Variants in PLEKHA7 observed in about 807,000 individuals in gnomAD.
PLEKHA7 encodes pleckstrin homology domain containing A7.
In PLEKHA7, 104 loss-of-function variants were observed where a neutral mutation model predicts 170.0. The observed-to-expected ratio is 0.61, with a 90% CI of 0.52 to 0.72. The LOEUF is 0.72. Ranked by LOEUF, PLEKHA7 falls within the 30% of genes least tolerant of loss-of-function variation. The probability of loss-of-function intolerance (pLI) is 0.00; values close to 1 mark genes in which losing one functional copy is unlikely to be tolerated. For missense variants in PLEKHA7, 1,615 were observed against 1,671.7 expected (o/e 0.97, Z 0.59); for synonymous variants, 648 against 660.8 (o/e 0.98, Z 0.30).
chr11:17,012,759 C>A (rs913662597), intron 3 of PLEKHA7, among the ~76,000 whole-genome samples: 10 of 152,142 alleles, frequency 6.6e-5, no homozygotes, highest in African/African-American at 2.4e-4. Context: ...CAGTTATGAG[C>A]CAGAGAGGCC....
At position 16,851,286 on chromosome 11, in the gene PLEKHA7, G is replaced by A. The variant is rs752629610; in HGVS notation, c.601C>T (p.Arg201Ter). The A allele has an allele frequency of 4.3e-6, 7 of 1,609,284 alleles. No individual in the cohort carries two copies. The highest frequency in any genetic ancestry group is 1.3e-5 in the African/African-American group (1 of 74,800). Residue 201 changes from arginine (R) to a stop codon, truncating the protein, a stop_gained, in exon 8 of 27, where the codon CGA becomes TGA. Coordinates refer to ENST00000531066, the MANE Select transcript of PLEKHA7 (RefSeq NM_001329630.2). LOFTEE classifies it high-confidence loss of function. ...ATGCTCCCGAGGACCGCTTCTTCTC[G>A]GCTGTCTTTGAATGGAAAAATGCAT... Reference protein sequence around the residue: ...DYCLFYYKDSREEAVLGSIPL... With the variant: ...DYCLFYYKDS
At chr11:16,926,553 G>A (rs574555265) in intron 3 of PLEKHA7, among the ~76,000 whole-genome samples, 35 of 152,292 alleles carry the variant, frequency 2.3e-4, no homozygotes, top group African/African-American at 7.9e-4. Flanking sequence ...CCATTGTTGC[G>A]AGGGGATTAC....
At chr11:16,853,163 T>C (rs1359471968) in intron 6 of PLEKHA7, among the ~76,000 whole-genome samples, 5 of 152,118 alleles carry the variant, frequency 3.3e-5, no homozygotes, top group Non-Finnish European at 1.5e-5. Context: ...CTGGGCAACA[T>C]AGTGATGCCC....
At chr11:16,829,282 T>C (rs1343232581) in intron 9 of PLEKHA7, among the ~76,000 whole-genome samples, 2 of 152,254 alleles carry the variant, frequency 1.3e-5, no homozygotes, top group East Asian at 1.9e-4. Flanking sequence ...CCCAAAGTTT[T>C]ATGATTACAA....
At chr11:16,939,149 C>T (rs1220658304) in intron 3 of PLEKHA7, among the ~76,000 whole-genome samples, 1 of 152,206 alleles carries the variant, frequency 6.6e-6, no homozygotes, top group Non-Finnish European at 1.5e-5. Context: ...CAGTGACTCC[C>T]TCCTATAGTC....
At chr11:16,850,620 C>T (rs1852851941) in intron 8 of PLEKHA7, among the ~76,000 whole-genome samples, 1 of 152,158 alleles carries the variant, frequency 6.6e-6, no homozygotes, top group Admixed American at 6.5e-5. Context: ...ATTATCATGG[C>T]CTCACTCAGC....
chr11:16,849,515 G>C (rs1852743006), intron 8 of PLEKHA7, among the ~76,000 whole-genome samples: 1 of 152,204 alleles, frequency 6.6e-6, no homozygotes, highest in Admixed American at 6.5e-5. Context: ...TACAATTAAT[G>C]TCAATTCAAA....
At chr11:16,872,625 T>A (rs1854951825) in intron 3 of PLEKHA7, among the ~76,000 whole-genome samples, 1 of 151,578 alleles carries the variant, frequency 6.6e-6, no homozygotes, top group South Asian at 2.1e-4. Flanking sequence ...GCTCAAGTGA[T>A]CCTCCCACCT....
chr11:16,998,752 T>C (rs543590383), intron 3 of PLEKHA7, among the ~76,000 whole-genome samples: 1 of 152,280 alleles, frequency 6.6e-6, no homozygotes, highest in Admixed American at 6.5e-5. Context: ...CAATTACATC[T>C]AGAAATGCAT....
chr11:16,889,243 G>T (rs1172585627), intron 3 of PLEKHA7, among the ~76,000 whole-genome samples: 4 of 151,152 alleles, frequency 2.6e-5, no homozygotes, highest in African/African-American at 9.7e-5. Flanking sequence ...TGTACCTTGT[G>T]ACCTCCTCCT....
chr11:16,969,396 T>C (rs1333902967), intron 3 of PLEKHA7, among the ~76,000 whole-genome samples: 1 of 152,184 alleles, frequency 6.6e-6, no homozygotes, highest in African/African-American at 2.4e-5. Context: ...CTTGATGTAA[T>C]ATGATTACAT....
At chr11:16,800,620 T>C (rs1362191722) in intron 17 of PLEKHA7, among the ~76,000 whole-genome samples, 2 of 152,194 alleles carry the variant, frequency 1.3e-5, no homozygotes, top group Admixed American at 6.5e-5. Flanking sequence ...GTCTAAGTGA[T>C]GAGCTAGCAG....
intron 8 of PLEKHA7, among the ~76,000 whole-genome samples, chr11:16,845,521 C>T (rs576709153): frequency 3.4e-4 from 52 of 152,258 alleles, no homozygotes; most frequent in Non-Finnish European, 5.7e-4. Context: ...AATGCACCAC[C>T]ATGCCCAACT....
chr11:16,792,267 A>T (rs550490272), intron 19 of PLEKHA7, among the ~76,000 whole-genome samples: 53 of 152,348 alleles, frequency 3.5e-4, no homozygotes, highest in African/African-American at 1.3e-3. Flanking sequence ...CTGGAGGCAG[A>T]GGGTGGGAAG....
chr11:16,966,604 A>G (rs889822130), intron 3 of PLEKHA7, among the ~76,000 whole-genome samples: 10 of 152,152 alleles, frequency 6.6e-5, no homozygotes, highest in Non-Finnish European at 1.0e-4. Flanking sequence ...AGGGCCTCTA[A>G]CAAAAGGTAC....
chr11:16,846,628 T>C (rs777703705), intron 8 of PLEKHA7, among the ~76,000 whole-genome samples: 20 of 152,206 alleles, frequency 1.3e-4, no homozygotes, highest in Middle Eastern at 3.2e-3. Flanking sequence ...AAGATGTCAG[T>C]TGATGTTACT....
intron 10 of PLEKHA7, among the ~76,000 whole-genome samples, chr11:16,819,342 C>G (rs1383714440): frequency 2.6e-5 from 4 of 152,138 alleles, no homozygotes; most frequent in Non-Finnish European, 5.9e-5. Context: ...AAGTGATCTG[C>G]CCCCCTCAGC....
Position 17,014,032 on chromosome 11 carries a change from A to G in PLEKHA7, c.178T>C (p.Trp60Arg), listed in dbSNP as rs1865504883. Reference protein sequence around the residue: ...HMIRSDLPRGWEEGFTEEGAS... With the variant: ...HMIRSDLPRGREEGFTEEGAS... ...CCCTCCTCCGTGAAGCCCTCCTCCC[A>G]GCCGCGGGGCAGGTCTGCGGAAACG... is the stretch of plus-strand genomic sequence containing the variant. The change falls in exon 3 of 27, where the codon TGG becomes CGG. Residue 60 changes from tryptophan (W) to arginine (R), a missense_variant. By Grantham distance (101) the Trp-to-Arg change is moderately radical. Transcript: ENST00000531066. 2 of 1,555,434 alleles carry G rather than the reference A, an allele frequency of 1.3e-6. No homozygotes were observed. Among genetic ancestry groups the G allele is most frequent in the South Asian group, 1.2e-5 (1 of 85,028 alleles).
chr11:16,783,456 TG>T (rs1849186678), intron 25 of PLEKHA7, among the ~76,000 whole-genome samples: 1 of 152,216 alleles, frequency 6.6e-6, no homozygotes, highest in Non-Finnish European at 1.5e-5. Flanking sequence ...GACACAGAAT[TG>T]GGGGTGACAG....
Sources: gnomAD v4.1 joint callset for allele counts (sites outside exome capture counted in the v4.1 genomes callset) on GRCh38, gnomAD v4.1.1 for gene constraint, MANE v1.5 for transcripts, NCBI Gene and HGNC (gene_info 2026-07-23, HGNC 2026-07-21) for gene names.